The following SRGAP3 variants were observed in gnomAD, a reference collection of about 807,000 sequenced individuals.
The protein encoded by SRGAP3 is SLIT-ROBO Rho GTPase-activating protein 3.
Under a neutral mutation model 121.1 loss-of-function variants are expected in SRGAP3, and 39 were observed. That is an observed-to-expected ratio of 0.32 (90% CI 0.25 to 0.42). SRGAP3 has a LOEUF of 0.42. Among genes scored for constraint, SRGAP3 ranks in the 10% least tolerant of loss-of-function variants. The pLI is 1.00. For missense variants in SRGAP3, 1,213 were observed against 1,470.6 expected, an observed-to-expected ratio of 0.82 and a Z score of 2.86; for synonymous variants, 601 against 570.0, an observed-to-expected ratio of 1.05 and a Z score of -0.77.
At chr3:9,027,276 T>C (rs149517192) in intron 12 of SRGAP3, among the ~76,000 whole-genome samples, 1 of 152,336 alleles carries the variant, frequency 6.6e-6, no homozygotes, top group East Asian at 1.9e-4. Flanking sequence ...GCAGGCCCAC[T>C]TGGGCAGTGG....
At chr3:9,333,788 G>A (rs1955647301) in intron 1 of SRGAP3, among the ~76,000 whole-genome samples, 1 of 152,168 alleles carries the variant, frequency 6.6e-6, no homozygotes, top group East Asian at 1.9e-4. Context: ...CATTTCCCTA[G>A]AGTGGTACTA....
At chr3:9,283,127 G>A (rs937761953) in intron 3 of SRGAP3, among the ~76,000 whole-genome samples, 1 of 151,940 alleles carries the variant, frequency 6.6e-6, no homozygotes, top group Non-Finnish European at 1.5e-5. Context: ...TTGTTGTAGA[G>A]ACGGGGTTTC....
chr3:8,995,876 C>T (rs1942369243), intron 18 of SRGAP3, among the ~76,000 whole-genome samples: 1 of 152,114 alleles, frequency 6.6e-6, no homozygotes, highest in Non-Finnish European at 1.5e-5. Context: ...TTTAATAGAA[C>T]AGAAGAGTAA....
At position 8,990,576 on chromosome 3, in the gene SRGAP3, C is replaced by T. The variant is rs1391960155; in HGVS notation, c.2822G>A (p.Cys941Tyr). The T allele has an allele frequency of 6.3e-7, 1 of 1,591,332 alleles. No individual in the cohort carries two copies. Residue 941 changes from cysteine (C) to tyrosine (Y), a missense_variant, in exon 21 of 22, where the codon TGC becomes TAC. Coordinates refer to ENST00000383836, the MANE Select transcript of SRGAP3 (RefSeq NM_014850.4). ...LSEGHSMRST[C>Y]GSTRHSSLGD... Reference sequence around the variant, plus strand: ...TAGGCTGCTGTGCCTGGTGGAACCGCAGGTCGACCTCATCGAGTGCCCTTC... The same window carrying T: ...TAGGCTGCTGTGCCTGGTGGAACCGTAGGTCGACCTCATCGAGTGCCCTTC...
chr3:9,314,758 C>T lies in SRGAP3; in HGVS notation n.442+11252G>A, dbSNP rs115237074. 4.5e-3 allele frequency among the ~76,000 whole-genome samples: 683 copies of T among 151,458 alleles called. 8 individuals are homozygous for T. Among genetic ancestry groups the T allele is most frequent in the African/African-American group, 0.015 (617 of 40,912 alleles). Reference sequence around the variant, plus strand: ...CTCAGCTCTCAGAACAGACTTGACCCGGGAAAGTAAGGCTGTAGGTAGCTT... The same window carrying T: ...CTCAGCTCTCAGAACAGACTTGACCTGGGAAAGTAAGGCTGTAGGTAGCTT... On this transcript the variant is annotated intron_variant and non_coding_transcript_variant, in intron 3 of 3. Transcript: ENST00000490889.
chr3:9,209,882 A>G (rs1257113907), intron 1 of SRGAP3, among the ~76,000 whole-genome samples: 1 of 152,248 alleles, frequency 6.6e-6, no homozygotes, highest in Non-Finnish European at 1.5e-5. Flanking sequence ...CAAAAACTGG[A>G]AACAATCCAA....
chr3:9,348,458 T>C (rs1199976625), intron 1 of SRGAP3: 7 of 672,266 alleles, frequency 1.0e-5, no homozygotes, highest in East Asian at 2.7e-5. Context: ...TGCCTACAAA[T>C]TGGTGTTGAT....
At chr3:9,149,942 G>T (rs541316902) in intron 1 of SRGAP3, among the ~76,000 whole-genome samples, 1 of 152,306 alleles carries the variant, frequency 6.6e-6, no homozygotes, top group East Asian at 1.9e-4. Flanking sequence ...CCATGGGTTT[G>T]TTGAGTGCCC....
chr3:9,056,364 T>C, intron 7 of SRGAP3, 30 bp from the exon 8 acceptor site: 1 of 1,605,552 alleles, frequency 6.2e-7, no homozygotes, highest in Non-Finnish European at 8.5e-7. Context: ...CATCTGTGGT[T>C]GCCCTGTGCC....
intron 1 of SRGAP3, among the ~76,000 whole-genome samples, chr3:9,232,322 C>A (rs992201369): frequency 1.3e-5 from 2 of 152,130 alleles, no homozygotes; most frequent in Non-Finnish European, 1.5e-5. Context: ...GGAATACATG[C>A]TCATTTTTTT....
chr3:9,325,207 G>A (rs1336568703), intron 3 of SRGAP3, among the ~76,000 whole-genome samples: 2 of 151,832 alleles, frequency 1.3e-5, no homozygotes, highest in Non-Finnish European at 2.9e-5. Flanking sequence ...AGAACAGAGA[G>A]CACTAAGGAG....
At chr3:9,271,274 C>T (rs942971479) in intron 3 of SRGAP3, among the ~76,000 whole-genome samples, 2 of 152,172 alleles carry the variant, frequency 1.3e-5, no homozygotes, top group African/African-American at 4.8e-5. Flanking sequence ...GCAGAGGTTG[C>T]AGTGAGCCAA....
At chr3:9,351,290 T>C (rs950612456) in intron 1 of SRGAP3, among the ~76,000 whole-genome samples, 3 of 152,224 alleles carry the variant, frequency 2.0e-5, no homozygotes, top group Admixed American at 1.3e-4. Context: ...TCATTTGCCA[T>C]GTGCCAGAAA....
intron 12 of SRGAP3, among the ~76,000 whole-genome samples, chr3:9,030,413 G>A (rs890571352): frequency 5.9e-5 from 9 of 152,172 alleles, no homozygotes; most frequent in African/African-American, 2.2e-4. Flanking sequence ...GCAAAGCTCA[G>A]CTTCAAACGG....
chr3:9,279,592 C>A (rs895472329), intron 3 of SRGAP3, among the ~76,000 whole-genome samples: 2 of 150,144 alleles, frequency 1.3e-5, no homozygotes, highest in Non-Finnish European at 3.0e-5. Context: ...CGGCTCACAG[C>A]CACCTCAACC....
At chr3:9,003,124 T>A (rs1378705728) in intron 18 of SRGAP3, among the ~76,000 whole-genome samples, 1 of 152,174 alleles carries the variant, frequency 6.6e-6, no homozygotes, top group East Asian at 1.9e-4. Flanking sequence ...GACAAAGGTA[T>A]CACAAGAAAA....
intron 4 of SRGAP3, among the ~76,000 whole-genome samples, chr3:9,069,952 A>AAAG (rs1946624925): frequency 6.6e-6 from 1 of 152,158 alleles, no homozygotes; most frequent in East Asian, 1.9e-4. Flanking sequence ...ATCTCAAAAA[A>AAAG]AAAGAAAGAA....
intron 4 of SRGAP3, among the ~76,000 whole-genome samples, chr3:9,076,616 T>C (rs910400567): frequency 6.6e-6 from 1 of 152,168 alleles, no homozygotes; most frequent in African/African-American, 2.4e-5. Flanking sequence ...CTTCTTTAAT[T>C]CCTACCCATC....
chr3:9,349,054 G>A, intron 1 of SRGAP3: 1 of 980,626 alleles, frequency 1.0e-6, no homozygotes. Context: ...AGGCTATCAT[G>A]GAGCTGAACC....
Sources: gnomAD v4.1 joint callset for allele counts (sites outside exome capture counted in the v4.1 genomes callset) on GRCh38, gnomAD v4.1.1 for gene constraint, MANE v1.5 for transcripts, NCBI Gene and HGNC (gene_info 2026-07-23, HGNC 2026-07-21) for gene names.